Variants in JAKMIP2 observed in about 807,000 individuals in gnomAD.
JAKMIP2 encodes janus kinase and microtubule interacting protein 2.
A neutral mutation model predicts 115.0 loss-of-function variants in JAKMIP2; 25 were observed. The observed-to-expected ratio is 0.22, with a 90% CI of 0.16 to 0.30. JAKMIP2 has a LOEUF of 0.30. Ranked by LOEUF, JAKMIP2 falls within the 10% of genes least tolerant of loss-of-function variation. The pLI is 1.00. For missense variants in JAKMIP2, 642 were observed against 957.6 expected (o/e 0.67, Z 4.35); for synonymous variants, 334 against 343.6 (o/e 0.97, Z 0.31).
Position 147,661,124 on chromosome 5 carries a change from T to G in JAKMIP2, c.451A>C (p.Lys151Gln). The G allele has an allele frequency of 6.2e-7, 1 of 1,614,070 alleles. No individual in the cohort carries two copies. The highest frequency in any genetic ancestry group is 8.5e-7 in the Non-Finnish European group (1 of 1,180,022). Residue 151 changes from lysine (K) to glutamine (Q), a missense_variant, in exon 3 of 22, where the codon AAG (lysine) becomes CAG (glutamine). Physicochemically the swap from Lys to Gln is moderately conservative, Grantham distance 53. Transcript: ENST00000616793. ...AGGTCCGCAATTTCCTGTAAGAGCTTAAGGCGCTCTGTGTCAAACAGTTTC... is the reference window on the plus strand; with the variant it reads ...AGGTCCGCAATTTCCTGTAAGAGCTGAAGGCGCTCTGTGTCAAACAGTTTC... The part of the protein sequence containing the change: ...ARKLFDTERL[K>Q]LLQEIADLKT...
chr5:147,690,539 TTATATATATATATATATATA>T lies in JAKMIP2; in HGVS notation c.-148-18605_-148-18586del, dbSNP rs58086292. Among the ~76,000 whole-genome samples, 221 of 92,276 alleles carry T rather than the reference TTATATATATATATATATATA, an allele frequency of 2.4e-3. 1 individual carries two copies. The highest frequency in any genetic ancestry group is 3.8e-3 in the African/African-American group (110 of 28,860). The allele number at this position is 92,276 out of a possible 152,430, so 60.5% of individuals were successfully genotyped here. A position where few individuals can be genotyped will look rare whatever the true frequency, so the allele number is the denominator to read the frequency against. ...TCATTCATGTAAAAAACTAAAGAGA[TTATATATATATATATATATA>T]TATATATATATATATATATATATAT... On this transcript the variant is annotated intron_variant, in intron 1 of 21. Transcript: ENST00000616793.
At chr5:147,683,129 A>T (rs1266215605) in intron 1 of JAKMIP2, among the ~76,000 whole-genome samples, 1 of 152,238 alleles carries the variant, frequency 6.6e-6, no homozygotes, top group Non-Finnish European at 1.5e-5. Flanking sequence ...GGTCAGGCAG[A>T]GCAAGAAACA....
intron 3 of JAKMIP2, among the ~76,000 whole-genome samples, chr5:147,658,560 T>G (rs184326791): frequency 6.6e-6 from 1 of 152,176 alleles, no homozygotes; most frequent in Non-Finnish European, 1.5e-5. Context: ...GAATCTCCCT[T>G]GTCAGGATCA....
At chr5:147,594,949 C>T (rs1254535508) in intron 21 of JAKMIP2, among the ~76,000 whole-genome samples, 1 of 151,922 alleles carries the variant, frequency 6.6e-6, no homozygotes, top group African/African-American at 2.4e-5. Context: ...GGGAAAGCTT[C>T]CCTGATTTTC....
At chr5:147,641,232 T>G (rs1329124910) in intron 8 of JAKMIP2, among the ~76,000 whole-genome samples, 1 of 152,162 alleles carries the variant, frequency 6.6e-6, no homozygotes, top group Non-Finnish European at 1.5e-5. Context: ...AATGGTATAC[T>G]TGGTAAAAAC....
At chr5:147,721,840 G>C (rs1003516400) in intron 1 of JAKMIP2, among the ~76,000 whole-genome samples, 5 of 152,094 alleles carry the variant, frequency 3.3e-5, no homozygotes, top group Admixed American at 6.5e-5. Context: ...CTGTAGACCG[G>C]AGCCGTTCCT....
chr5:147,650,985 T>C (rs1400912083), intron 3 of JAKMIP2, among the ~76,000 whole-genome samples: 1 of 152,180 alleles, frequency 6.6e-6, no homozygotes, highest in Non-Finnish European at 1.5e-5. Flanking sequence ...TTGCTCCTGT[T>C]AGTAGCTGGT....
intron 19 of JAKMIP2, among the ~76,000 whole-genome samples, chr5:147,615,416 C>T (rs1161925487): frequency 6.6e-6 from 1 of 152,000 alleles, no homozygotes; most frequent in Non-Finnish European, 1.5e-5. Flanking sequence ...CAAGTGGGAC[C>T]AGGATGTTTT....
intron 2 of JAKMIP2, among the ~76,000 whole-genome samples, chr5:147,666,996 CTGA>C (rs1759332685): frequency 6.6e-6 from 1 of 152,114 alleles, no homozygotes; most frequent in Admixed American, 6.6e-5. Flanking sequence ...CCATATCATC[CTGA>C]TAAGACTAAC....
chr5:147,652,432 T>C (rs1403967615), intron 3 of JAKMIP2, among the ~76,000 whole-genome samples: 1 of 152,086 alleles, frequency 6.6e-6, no homozygotes, highest in Non-Finnish European at 1.5e-5. Flanking sequence ...GATCTCAAAA[T>C]ACTGAAAATC....
chr5:147,705,025 A>C (rs116600279), intron 1 of JAKMIP2, among the ~76,000 whole-genome samples: 177 of 152,316 alleles, frequency 1.2e-3, no homozygotes, highest in African/African-American at 4.0e-3. Context: ...CAGATGCCAC[A>C]TTCAGGATAC....
At position 147,613,512 on chromosome 5, in the gene JAKMIP2, ATTT is replaced by A. The variant is rs1561847591; in HGVS notation, c.2347-1144_2347-1142del. On this transcript the variant is annotated intron_variant, in intron 19 of 21. Coordinates refer to ENST00000616793, the MANE Select transcript of JAKMIP2 (RefSeq NM_001270941.2). ...CCAGGGACATTTGGCAGTTCTGCACATTTTTTTAAAGTTAGTTAATATGTTTAT... is the reference window on the plus strand; with the variant it reads ...CCAGGGACATTTGGCAGTTCTGCACATTTTAAAGTTAGTTAATATGTTTAT... 1.3e-5 allele frequency among the ~76,000 whole-genome samples: 2 copies of A among 152,124 alleles called. 1 individual carries two copies.
intron 21 of JAKMIP2, among the ~76,000 whole-genome samples, chr5:147,595,994 C>T (rs1023603066): frequency 1.3e-5 from 2 of 152,112 alleles, no homozygotes; most frequent in African/African-American, 4.8e-5. Context: ...AACTGAGATC[C>T]GAAGGATAGG....
chr5:147,668,373 A>G (rs1401762928), intron 2 of JAKMIP2, among the ~76,000 whole-genome samples: 1 of 152,174 alleles, frequency 6.6e-6, no homozygotes, highest in East Asian at 1.9e-4. Context: ...GTGTCCATAG[A>G]AGAGACAAAT....
chr5:147,764,677 A>C (rs1214751481), intron 1 of JAKMIP2, among the ~76,000 whole-genome samples: 5 of 151,584 alleles, frequency 3.3e-5, no homozygotes, highest in Non-Finnish European at 1.5e-5. Flanking sequence ...CACAAGGTCA[A>C]CAGATCAAGA....
At chr5:147,681,865 A>C (rs13173852) in intron 1 of JAKMIP2, among the ~76,000 whole-genome samples, 30,101 of 151,736 alleles carry the variant, frequency 0.2, 3,996 homozygotes, top group East Asian at 0.45. Flanking sequence ...AACATGGAGA[A>C]ATCTCATCTC....
intron 1 of JAKMIP2, among the ~76,000 whole-genome samples, chr5:147,777,991 T>C (rs943303268): frequency 6.6e-6 from 1 of 152,188 alleles, no homozygotes; most frequent in Admixed American, 6.5e-5. Flanking sequence ...ATATCATTTT[T>C]ACTTTTAAGA....
rs760959237 is a variant in JAKMIP2, at chr5:147,644,116, G to A, written c.1166C>T (p.Thr389Ile). ...AATGACCTGAAGTTTTAGAAACTCTGTTTCTTGTTCTTCATTAGCTTGGTC... is the reference window on the plus strand; with the variant it reads ...AATGACCTGAAGTTTTAGAAACTCTATTTCTTGTTCTTCATTAGCTTGGTC... ...DLDQANEEQETEFLKLQVIEQ... is the reference protein window; with the variant it reads ...DLDQANEEQEIEFLKLQVIEQ... Residue 389 changes from threonine to isoleucine, a missense_variant, in exon 7 of 22, where the codon ACA (threonine) becomes ATA (isoleucine). Thr to Ile is a moderately conservative substitution (Grantham distance 89). Transcript: ENST00000616793. 2.5e-6 allele frequency: 4 copies of A among 1,608,658 alleles called. No individual in the cohort carries two copies. In the South Asian group the frequency reaches 4.4e-5, roughly 18 times the overall value.
intron 1 of JAKMIP2, among the ~76,000 whole-genome samples, chr5:147,689,413 C>A (rs1760728287): frequency 6.6e-6 from 1 of 152,130 alleles, no homozygotes. Flanking sequence ...GAAGACTGAG[C>A]ATAAGGGTGG....
Sources: gnomAD v4.1 joint callset for allele counts (sites outside exome capture counted in the v4.1 genomes callset) on GRCh38, gnomAD v4.1.1 for gene constraint, MANE v1.5 for transcripts, NCBI Gene and HGNC (gene_info 2026-07-23, HGNC 2026-07-21) for gene names.